SGCD: variants seen among roughly 807,000 people sequenced by gnomAD.
SGCD encodes delta-sarcoglycan.
In SGCD, 18 loss-of-function variants were observed where a neutral mutation model predicts 36.6. The observed-to-expected ratio is 0.49, with a 90% confidence interval of 0.34 to 0.73. SGCD has a LOEUF of 0.73. Ranked by LOEUF, SGCD falls within the 30% of genes least tolerant of loss-of-function variation. The pLI, the probability that SGCD is intolerant of heterozygous loss-of-function variation, is 0.01. For synonymous variants in SGCD, 133 were observed against 130.6 expected, an observed-to-expected ratio of 1.02 and a Z score of -0.12; for missense variants, 387 against 346.7, an observed-to-expected ratio of 1.12 and a Z score of -0.92.
chr5:156,580,101 C>T (rs1055284918), intron 4 of SGCD, among the ~76,000 whole-genome samples: 1 of 152,272 alleles, frequency 6.6e-6, no homozygotes, highest in Admixed American at 6.5e-5. Context: ...TCTTGTAAGG[C>T]AGGCCTGGTG....
rs183569879 is a variant in SGCD at position 156,051,052 on chromosome 5, C to G, written c.-281-66826C>G. Among the ~76,000 whole-genome samples, 358 of 146,464 alleles carry G rather than the reference C, an allele frequency of 2.4e-3. 25 individuals are homozygous for G. Among genetic ancestry groups the G allele is most frequent in the African/African-American group, 8.2e-3 (336 of 40,808 alleles). On this transcript the variant is annotated intron_variant, in intron 1 of 9. Coordinates refer to the SGCD transcript ENST00000517913. ...CCATTACTCAGCCTTTCACATATAC[C>G]TTTACTAGAAACTAATATTATAGCT...
intron 3 of SGCD, among the ~76,000 whole-genome samples, chr5:156,401,720 T>C (rs746474384): frequency 6.6e-6 from 1 of 152,092 alleles, no homozygotes; most frequent in Non-Finnish European, 1.5e-5. Flanking sequence ...CTAGTGAAGA[T>C]ACACATAGGA....
intron 7 of SGCD, among the ~76,000 whole-genome samples, chr5:156,743,270 C>G (rs1756781209): frequency 6.6e-6 from 1 of 152,172 alleles, no homozygotes; most frequent in Non-Finnish European, 1.5e-5. Flanking sequence ...CACCATCACA[C>G]CTGGCTAGTT....
chr5:156,126,689 G>A (rs1201706536), intron 3 of SGCD, among the ~76,000 whole-genome samples: 2 of 152,152 alleles, frequency 1.3e-5, no homozygotes, highest in Non-Finnish European at 2.9e-5. Flanking sequence ...TTTTTCAGAT[G>A]TCTTTTCAAG....
chr5:156,359,365 A>C (rs1416180652), intron 3 of SGCD, among the ~76,000 whole-genome samples: 4 of 152,212 alleles, frequency 2.6e-5, no homozygotes, highest in African/African-American at 9.7e-5. Flanking sequence ...AACATGTATT[A>C]AGAGCTTATT....
At chr5:156,213,318 A>G (rs567248018) in intron 3 of SGCD, among the ~76,000 whole-genome samples, 17 of 152,192 alleles carry the variant, frequency 1.1e-4, no homozygotes, top group African/African-American at 3.8e-4. Context: ...AGACCACAAT[A>G]GCATGTGACT....
intron 8 of SGCD, 47 bp downstream of exon 8, chr5:156,757,751 G>A: frequency 1.3e-6 from 2 of 1,578,584 alleles, no homozygotes; most frequent in Middle Eastern, 1.7e-4. Context: ...AGCTTCAACA[G>A]GCCAACCCTT....
chr5:156,622,812 G>A (rs1762306141), intron 6 of SGCD, among the ~76,000 whole-genome samples: 1 of 152,070 alleles, frequency 6.6e-6, no homozygotes, highest in South Asian at 2.1e-4. Flanking sequence ...GTATAGAGTA[G>A]GACGAAACCT....
chr5:156,669,093 G>T (rs1753183456), intron 7 of SGCD, among the ~76,000 whole-genome samples: 1 of 152,088 alleles, frequency 6.6e-6, no homozygotes, highest in African/African-American at 2.4e-5. Flanking sequence ...GGTGGTGAAG[G>T]CCTCTAGAGA....
In SGCD at chr5:156,279,619, T is replaced by G. The variant is rs555957167; in HGVS notation, c.-43-49915T>G. Reference sequence around the variant, plus strand: ...ACCACCAGAATGTGTTCCTCTTTTTTGGGGGAACAGTGGGTTGGGAAAAGT... The same window carrying G: ...ACCACCAGAATGTGTTCCTCTTTTTGGGGGGAACAGTGGGTTGGGAAAAGT... On this transcript the variant is annotated intron_variant, in intron 3 of 9. Transcript: ENST00000517913. 2.7e-3 allele frequency among the ~76,000 whole-genome samples: 408 copies of G among 152,280 alleles called. 2 individuals carry two copies. Among genetic ancestry groups the G allele is most frequent in the Non-Finnish European group, 4.1e-3 (280 of 67,998 alleles).
intron 7 of SGCD, among the ~76,000 whole-genome samples, chr5:156,657,097 T>C (rs914446023): frequency 2.0e-5 from 3 of 152,158 alleles, no homozygotes; most frequent in African/African-American, 7.2e-5. Flanking sequence ...CTTTCTGTGA[T>C]TTATAAATTT....
chr5:156,744,670 T>G (rs1581518270), intron 7 of SGCD, among the ~76,000 whole-genome samples: 1 of 152,350 alleles, frequency 6.6e-6, no homozygotes, highest in South Asian at 2.1e-4. Flanking sequence ...AAATTATATA[T>G]CTGTCTCATT....
At chr5:156,329,488 G>T in intron 1 of SGCD, 46 bp from the exon 2 acceptor site, 2 of 1,313,174 alleles carry the variant, frequency 1.5e-6, no homozygotes, top group East Asian at 2.3e-5. Context: ...CAAGGAGGGG[G>T]CAGGCTCTTC....
chr5:156,448,731 CTTTTTTTTTTT>C lies in SGCD; in HGVS notation c.193-59852_193-59842del, dbSNP rs1158844774. On this transcript the variant is annotated intron_variant, in intron 3 of 8. Transcript: ENST00000337851. ...GTGGGAGAAGTTTCTTTTTCTTTTTCTTTTTTTTTTTTTTTTTTTTTTTTTTTTGAGACAGA... is the reference window on the plus strand; with the variant it reads ...GTGGGAGAAGTTTCTTTTTCTTTTTCTTTTTTTTTTTTTTTTTGAGACAGA... Among the ~76,000 whole-genome samples, 19 of 76,052 alleles carry C rather than the reference CTTTTTTTTTTT, an allele frequency of 2.5e-4. No homozygotes were observed. The South Asian group carries it at 8.6e-3, about 35-fold the overall frequency. The allele number at this position is 76,052 out of a possible 152,430, so 49.9% of individuals were successfully genotyped here. A position where few individuals can be genotyped will look rare whatever the true frequency, so the allele number is the denominator to read the frequency against.
chr5:156,552,990 G>A (rs1475852874), intron 4 of SGCD, among the ~76,000 whole-genome samples: 1 of 152,154 alleles, frequency 6.6e-6, no homozygotes, highest in South Asian at 2.1e-4. Context: ...TGATTCTGAT[G>A]GTTGGCAAGT....
chr5:156,071,880 T>C (rs988974539), intron 1 of SGCD, among the ~76,000 whole-genome samples: 22 of 152,320 alleles, frequency 1.4e-4, no homozygotes, highest in African/African-American at 4.8e-4. Context: ...TTTACCATTA[T>C]GTAATGGCCT....
chr5:156,533,805 T>C (rs1757984981), intron 4 of SGCD, among the ~76,000 whole-genome samples: 1 of 152,208 alleles, frequency 6.6e-6, no homozygotes, highest in Admixed American at 6.5e-5. Flanking sequence ...ATTTGCCTTA[T>C]AAAATTCTTC....
At chr5:156,517,552 A>T (rs559576115) in intron 4 of SGCD, among the ~76,000 whole-genome samples, 2 of 152,242 alleles carry the variant, frequency 1.3e-5, no homozygotes, top group East Asian at 3.9e-4. Flanking sequence ...AGATTTTCCA[A>T]AGTCAAAATG....
At chr5:156,402,042 A>G (rs949918369) in intron 3 of SGCD, among the ~76,000 whole-genome samples, 37 of 152,142 alleles carry the variant, frequency 2.4e-4, no homozygotes, top group African/African-American at 8.9e-4. Context: ...TGTCTGGCTT[A>G]TTTCACTTAA....
Sources: allele counts gnomAD v4.1 joint callset (sites outside exome capture counted in the v4.1 genomes callset), GRCh38; gene constraint gnomAD v4.1.1; transcripts MANE v1.5; gene names NCBI Gene and HGNC (gene_info 2026-07-23, HGNC 2026-07-21).